GFOD1: variants seen among roughly 807,000 people sequenced by gnomAD.
GFOD1 encodes Gfo/Idh/MocA-like oxidoreductase domain containing 1.
GFOD1 carries 9 observed loss-of-function variants against 25.4 expected under a neutral mutation model. The ratio of observed to expected loss-of-function variants is 0.35; its 90% CI spans 0.21 to 0.62. The LOEUF (loss-of-function observed/expected upper bound fraction) is 0.62, where lower values mean the gene tolerates loss of function less well. Ranked by LOEUF, GFOD1 falls within the 20% of genes least tolerant of loss-of-function variation. The probability of loss-of-function intolerance (pLI) is 0.72; values close to 1 mark genes in which losing one functional copy is unlikely to be tolerated. For missense variants in GFOD1, 403 were observed against 556.9 expected (o/e 0.72, Z 2.78); for synonymous variants, 253 against 245.6 (o/e 1.03, Z -0.28).
chr6:13,474,271 G>A (rs571728917), intron 1 of GFOD1, among the ~76,000 whole-genome samples: 1 of 152,080 alleles, frequency 6.6e-6, no homozygotes, highest in Non-Finnish European at 1.5e-5. Context: ...TCCAGCTACT[G>A]GGGAGGCTGA....
In GFOD1 at chr6:13,362,614, T is replaced by C. The variant is rs1341290361; in HGVS notation, c.*2129A>G. On this transcript the variant is annotated 3_prime_UTR_variant, in exon 2 of 2. Coordinates refer to ENST00000379287, the MANE Select transcript of GFOD1 (RefSeq NM_018988.4). ...GCTGGAATGCTGACCATGAAGTCTGTCAGCAACAGGTCAGGGACCACAACA... is the reference window on the plus strand; with the variant it reads ...GCTGGAATGCTGACCATGAAGTCTGCCAGCAACAGGTCAGGGACCACAACA... The C allele has an allele frequency of 6.6e-6, 1 of 152,224 alleles. No individual in the cohort carries two copies. The highest frequency in any genetic ancestry group is 2.4e-5 in the African/African-American group (1 of 41,444). 9.4% of individuals were successfully genotyped at this position (152,224 alleles called of 1,614,324 possible).
intron 1 of GFOD1, among the ~76,000 whole-genome samples, chr6:13,464,633 C>A (rs979773451): frequency 6.6e-6 from 1 of 152,166 alleles, no homozygotes; most frequent in Non-Finnish European, 1.5e-5. Context: ...ATGAGATTAA[C>A]ATTTATATCA....
intron 1 of GFOD1, among the ~76,000 whole-genome samples, chr6:13,396,615 C>A (rs1469392801): frequency 6.6e-6 from 1 of 152,084 alleles, no homozygotes; most frequent in Admixed American, 6.5e-5. Flanking sequence ...GGAGGATTAT[C>A]CTGGATTAGC....
chr6:13,364,587 G>A lies in GFOD1; in HGVS notation c.*156C>T, dbSNP rs1039375267. On this transcript the variant is annotated 3_prime_UTR_variant, in exon 2 of 2. Coordinates refer to ENST00000379287, the MANE Select transcript of GFOD1 (RefSeq NM_018988.4). This position sits in a 1 kb window ranked among gnomAD's most constrained non-coding sequence, Gnocchi z 4.1. ...ACAGTCTGGTTTGGGGTCGGTCACC[G>A]GGATTGGAGTTTACCTTCCTAGATG... 6 of 664,860 alleles carry A rather than the reference G, an allele frequency of 9.0e-6. No homozygotes were observed. Among genetic ancestry groups the A allele is most frequent in the African/African-American group, 3.6e-5 (2 of 55,102 alleles). 41.2% of individuals were successfully genotyped at this position (664,860 alleles called of 1,614,324 possible). A position where few individuals can be genotyped will look rare whatever the true frequency, so the allele number is the denominator to read the frequency against.
chr6:13,479,062 CAAAA>C (rs11342958), intron 1 of GFOD1, among the ~76,000 whole-genome samples: 2 of 127,444 alleles, frequency 1.6e-5, no homozygotes. Flanking sequence ...ATCCCTTTAC[CAAAA>C]AAAAAAAAAA....
intron 1 of GFOD1, among the ~76,000 whole-genome samples, chr6:13,483,968 T>TA (rs1385985454): frequency 1.3e-5 from 2 of 152,214 alleles, no homozygotes; most frequent in Non-Finnish European, 2.9e-5. Context: ...AGTATGTACT[T>TA]AATAAGAGGC....
In GFOD1 at chr6:13,409,922, CAAAAAA is replaced by C. The variant is rs757548005; in HGVS notation, c.254-44266_254-44261del. On this transcript the variant is annotated intron_variant, in intron 1 of 1. Transcript: ENST00000379287. ...TGGGCGACAGAGCGGGGCTCCATTT[CAAAAAA>C]AAAAAAAAAAAAGAAAGAAAGAAAC... is the stretch of plus-strand genomic sequence containing the variant. Among the ~76,000 whole-genome samples the C allele has an allele frequency of 9.7e-5, 7 of 72,074 alleles. No individual in the cohort carries two copies. In the South Asian group the frequency reaches 2.1e-3, roughly 22 times the overall value. 47.3% of individuals were successfully genotyped at this position (72,074 alleles called of 152,430 possible).
intron 1 of GFOD1, among the ~76,000 whole-genome samples, chr6:13,429,742 G>C (rs559225935): frequency 6.6e-6 from 1 of 152,278 alleles, no homozygotes; most frequent in South Asian, 2.1e-4. Flanking sequence ...AGAGAACATA[G>C]AGTGTACCCT....
chr6:13,365,778 C>T lies in GFOD1; in HGVS notation c.254-116G>A, dbSNP rs921734858. ...AGAAAAAGAAGGTCAGATGTGGTGGCTCATGCCTGTTGTCCCAGCACTTTG... is the reference window on the plus strand; with the variant it reads ...AGAAAAAGAAGGTCAGATGTGGTGGTTCATGCCTGTTGTCCCAGCACTTTG... On this transcript the variant is annotated intron_variant, in intron 1 of 1. Coordinates refer to ENST00000379287, the MANE Select transcript of GFOD1 (RefSeq NM_018988.4). This position sits in a 1 kb window ranked among gnomAD's most constrained non-coding sequence, Gnocchi z 9.2. 4.9e-5 allele frequency: 41 copies of T among 839,770 alleles called. 1 individual carries two copies. Among genetic ancestry groups the T allele is most frequent in the Non-Finnish European group, 2.9e-5 (16 of 549,504 alleles). 52.0% of individuals were successfully genotyped at this position (839,770 alleles called of 1,614,324 possible).
intron 1 of GFOD1, among the ~76,000 whole-genome samples, chr6:13,398,899 T>C (rs930175390): frequency 2.0e-5 from 3 of 152,354 alleles, no homozygotes; most frequent in Admixed American, 1.3e-4. Context: ...CAGACACCAG[T>C]TGATTTGACT....
At chr6:13,443,462 A>G (rs1757949847) in intron 1 of GFOD1, among the ~76,000 whole-genome samples, 2 of 121,334 alleles carry the variant, frequency 1.6e-5, no homozygotes, top group Non-Finnish European at 3.5e-5. Flanking sequence ...TGATATTGAG[A>G]AATCTTCCTT....
intron 1 of GFOD1, among the ~76,000 whole-genome samples, chr6:13,412,089 T>C (rs2127566321): frequency 6.6e-6 from 1 of 152,332 alleles, no homozygotes; most frequent in South Asian, 2.1e-4. Context: ...AGAGCTCCAA[T>C]ATTAGCTATG....
At chr6:13,480,882 A>ATGT (rs1283525370) in intron 1 of GFOD1, among the ~76,000 whole-genome samples, 1 of 152,198 alleles carries the variant, frequency 6.6e-6, no homozygotes, top group African/African-American at 2.4e-5. Context: ...TAAGAATACT[A>ATGT]TGTGTTAATT....
intron 1 of GFOD1, among the ~76,000 whole-genome samples, chr6:13,453,468 T>C (rs1758134142): frequency 6.6e-6 from 1 of 152,244 alleles, no homozygotes; most frequent in South Asian, 2.1e-4. Flanking sequence ...CAAAACACAA[T>C]GCATAGTTGC....
chr6:13,485,162 T>G (rs1178702336), intron 1 of GFOD1, among the ~76,000 whole-genome samples: 2 of 152,194 alleles, frequency 1.3e-5, no homozygotes, highest in Non-Finnish European at 2.9e-5. Flanking sequence ...AAACTGACAA[T>G]GTGGGCAGCC....
At chr6:13,406,064 G>A (rs1008632163) in intron 1 of GFOD1, among the ~76,000 whole-genome samples, 1 of 152,162 alleles carries the variant, frequency 6.6e-6, no homozygotes, top group African/African-American at 2.4e-5. Flanking sequence ...CTGCTATTCA[G>A]GGAATATTAT....
At chr6:13,432,233 T>C (rs6458823) in intron 1 of GFOD1, among the ~76,000 whole-genome samples, 6,846 of 151,724 alleles carry the variant, frequency 0.045, 548 homozygotes, top group African/African-American at 0.15. Flanking sequence ...CTTTTCTTTT[T>C]TTTTTTTTTT....
chr6:13,486,846 A>C lies in GFOD1; in HGVS notation c.45T>G (p.Arg15=). ...VGVFGTSLTA[R]VIIPLLKDEG... Reference sequence around the variant, plus strand: ...CGTCTTTCAGCAGCGGGATGATGACACGGGCCGTGAGGCTGGTGCCGAACA... The same window carrying C: ...CGTCTTTCAGCAGCGGGATGATGACCCGGGCCGTGAGGCTGGTGCCGAACA... The change falls in exon 1 of 2, where the codon CGT becomes CGG. Residue 15 remains arginine (R), a synonymous_variant. Coordinates refer to ENST00000379287, the MANE Select transcript of GFOD1 (RefSeq NM_018988.4). 1 of 1,613,114 alleles carries C rather than the reference A, an allele frequency of 6.2e-7. No homozygotes were observed. Among genetic ancestry groups the C allele is most frequent in the Non-Finnish European group, 8.5e-7 (1 of 1,179,958 alleles).
At chr6:13,481,066 C>G (rs1385400662) in intron 1 of GFOD1, among the ~76,000 whole-genome samples, 1 of 152,102 alleles carries the variant, frequency 6.6e-6, no homozygotes, top group Non-Finnish European at 1.5e-5. Flanking sequence ...AAGGGTCCTA[C>G]CTTGAAATAA....
Sources: gnomAD v4.1 joint callset for allele counts (sites outside exome capture counted in the v4.1 genomes callset) on GRCh38, gnomAD v4.1.1 for gene constraint, Gnocchi (gnomAD v3.1) non-coding constraint, MANE v1.5 for transcripts, NCBI Gene and HGNC (gene_info 2026-07-23, HGNC 2026-07-21) for gene names.